The following CASC3 variants were observed in gnomAD, a reference collection of about 807,000 sequenced individuals.
The protein encoded by CASC3 is CASC3 exon junction complex subunit, also known as protein CASC3.
In CASC3, 30 loss-of-function variants were observed where a neutral mutation model predicts 80.5. The observed-to-expected ratio is 0.37, with a 90% CI of 0.28 to 0.51. The LOEUF (loss-of-function observed/expected upper bound fraction) is 0.51, where lower values mean the gene tolerates loss of function less well. Among genes scored for constraint, CASC3 ranks in the 20% least tolerant of loss-of-function variants. The pLI is 0.94. For synonymous variants in CASC3, 312 were observed against 333.6 expected (o/e 0.94, Z 0.70); for missense variants, 824 against 922.2 (o/e 0.89, Z 1.38).
At chr17:40,168,099 T>C in intron 10 of CASC3, 104 bp from the exon 11 acceptor site, 4 of 1,283,482 alleles carry the variant, frequency 3.1e-6, no homozygotes, top group Non-Finnish European at 4.5e-6. Flanking sequence ...GTGTCCATCC[T>C]GAGGACTTCC....
Position 40,140,791 on chromosome 17 carries a change from C to A in CASC3, c.231+12C>A. The stretch of plus-strand genomic sequence containing the variant: ...AGGAGTCGGAGTGTGTGAGTGCGCG[C>A]AGGCGGGGCGGGGTGGGGACCGGGC... On this transcript the variant is annotated intron_variant, in intron 1 of 13. Transcript: ENST00000264645. 4.1e-6 allele frequency: 4 copies of A among 974,420 alleles called. No individual in the cohort carries two copies. In the South Asian group the frequency reaches 6.7e-5, roughly 16 times the overall value. 60.4% of individuals were successfully genotyped at this position (974,420 alleles called of 1,614,324 possible).
Position 40,170,940 on chromosome 17 carries a change from C to A in CASC3, c.*535C>A. ...CCCTCTGGATTCCCTTTTGACTCTT[C>A]CGTGCATCCCAGATAATGGAGAATG... On this transcript the variant is annotated 3_prime_UTR_variant, in exon 14 of 14. Coordinates refer to ENST00000264645, the MANE Select transcript of CASC3 (RefSeq NM_007359.5). The A allele has an allele frequency of 1.0e-6, 1 of 985,454 alleles. No individual in the cohort carries two copies. The highest frequency in any genetic ancestry group is 1.2e-6 in the Non-Finnish European group (1 of 829,918). The allele number at this position is 985,454 out of a possible 1,614,324, so 61.0% of individuals were successfully genotyped here. A position where few individuals can be genotyped will look rare whatever the true frequency, so the allele number is the denominator to read the frequency against.
intron 7 of CASC3, among the ~76,000 whole-genome samples, 156 bp from the exon 8 acceptor site, chr17:40,166,641 G>A (rs1989455443): frequency 6.6e-6 from 1 of 152,194 alleles, no homozygotes; most frequent in Non-Finnish European, 1.5e-5. Context: ...AAATGCTGGT[G>A]TTGACAGAAA....
chr17:40,144,015 G>T (rs924339662), intron 3 of CASC3, among the ~76,000 whole-genome samples: 5 of 152,024 alleles, frequency 3.3e-5, no homozygotes, highest in African/African-American at 1.2e-4. Context: ...ACTTTGGGAG[G>T]CCGAGGCGGG....
chr17:40,145,695 T>G (rs868627847), intron 3 of CASC3, among the ~76,000 whole-genome samples: 1 of 151,852 alleles, frequency 6.6e-6, no homozygotes, highest in Non-Finnish European at 1.5e-5. Flanking sequence ...TACTCCAGCC[T>G]GGGCAACAGA....
chr17:40,157,409 C>T (rs1046215197), intron 3 of CASC3, among the ~76,000 whole-genome samples: 4 of 151,880 alleles, frequency 2.6e-5, no homozygotes, highest in African/African-American at 9.7e-5. Context: ...GGCGTGGTGC[C>T]TCATGCCTGT....
chr17:40,155,588 G>A (rs75430479), intron 3 of CASC3, among the ~76,000 whole-genome samples: 1 of 152,184 alleles, frequency 6.6e-6, no homozygotes, highest in Non-Finnish European at 1.5e-5. Context: ...CCGTGGCCTC[G>A]GAGGAGCCGG....
In CASC3 at chr17:40,162,736, G is replaced by A. The variant is rs748600426; in HGVS notation, c.620G>A (p.Arg207His). ...TQEEEVRPKG[R>H]QRKLWKDEGR... ...TTCATTTTATCCAGACCCAAGGGGC[G>A]TCAGCGAAAGCTATGGAAGGATGAG... is the stretch of plus-strand genomic sequence containing the variant. Residue 207 changes from arginine (R) to histidine (H), a missense_variant, in exon 6 of 14, where the codon CGT becomes CAT. Coordinates refer to ENST00000264645, the MANE Select transcript of CASC3 (RefSeq NM_007359.5). 12 of 1,613,518 alleles carry A rather than the reference G, an allele frequency of 7.4e-6. No individual in the cohort carries two copies. The highest frequency in any genetic ancestry group is 2.2e-5 in the East Asian group (1 of 44,904).
At chr17:40,153,536 A>T (rs766681080) in intron 3 of CASC3, among the ~76,000 whole-genome samples, 10 of 152,142 alleles carry the variant, frequency 6.6e-5, no homozygotes, top group Non-Finnish European at 1.3e-4. Context: ...TTGCTGAGTC[A>T]TGTGGTAACT....
chr17:40,159,943 G>A (rs1043244631), intron 3 of CASC3, among the ~76,000 whole-genome samples: 3 of 151,470 alleles, frequency 2.0e-5, no homozygotes, highest in African/African-American at 4.9e-5. Context: ...CTCAAACTCC[G>A]GACCTCAAGT....
At chr17:40,169,089 G>A (rs2145184721) in intron 11 of CASC3, 1 of 428,576 alleles carries the variant, frequency 2.3e-6, no homozygotes, top group South Asian at 5.0e-5. Context: ...TTTGTCAGCT[G>A]ATGGTAGGAA....
chr17:40,171,887 C>T lies in CASC3; in HGVS notation c.*1482C>T. On this transcript the variant is annotated 3_prime_UTR_variant, in exon 14 of 14. Coordinates refer to ENST00000264645, the MANE Select transcript of CASC3 (RefSeq NM_007359.5). ...GGGAGAGGCACTTAATCTGTAACCC[C>T]CAAGGAGGAAATAACTAAGAGATTC... The T allele has an allele frequency of 4.9e-6, 6 of 1,223,100 alleles. No individual in the cohort carries two copies. In the South Asian group the frequency reaches 8.7e-5, roughly 18 times the overall value. The allele number at this position is 1,223,100 out of a possible 1,614,324, so 75.8% of individuals were successfully genotyped here.
chr17:40,146,695 C>T (rs1258331180), intron 3 of CASC3, among the ~76,000 whole-genome samples: 1 of 151,198 alleles, frequency 6.6e-6, no homozygotes, highest in Admixed American at 6.6e-5. Context: ...GCCTCGGCCT[C>T]CCAAAGTGCT....
intron 3 of CASC3, among the ~76,000 whole-genome samples, chr17:40,154,078 T>C (rs1598424917): frequency 1.3e-5 from 2 of 151,276 alleles, no homozygotes; most frequent in South Asian, 2.1e-4. Flanking sequence ...CTGATTTGCA[T>C]TTCCCTGATG....
Position 40,163,910 on chromosome 17 carries a change from C to A in CASC3, c.1215C>A (p.Ser405=). The A allele has an allele frequency of 6.2e-7, 1 of 1,614,028 alleles. No individual in the cohort carries two copies. The highest frequency in any genetic ancestry group is 8.5e-7 in the Non-Finnish European group (1 of 1,180,010). The change falls in exon 7 of 14, where the codon TCC becomes TCA. Residue 405 remains serine (S), a synonymous_variant. Transcript: ENST00000264645. Reference sequence around the variant, plus strand: ...GGCCCATTGAGAAGAAATCCTATTCCCGGGCAAGAAGAACTCGAACCAAAG... The same window carrying A: ...GGCCCATTGAGAAGAAATCCTATTCACGGGCAAGAAGAACTCGAACCAAAG... ...PDRPIEKKSY[S]RARRTRTKVG... is the part of the protein sequence containing the mutation.
intron 3 of CASC3, among the ~76,000 whole-genome samples, chr17:40,151,550 C>A (rs1989008209): frequency 1.3e-5 from 2 of 151,904 alleles, no homozygotes; most frequent in South Asian, 4.2e-4. Context: ...AAAATTTAGC[C>A]AGGCGTGGTG....
intron 3 of CASC3, 64 bp downstream of exon 3, chr17:40,141,671 CCTT>C (rs150571760): frequency 0.011 from 12,770 of 1,208,742 alleles, 85 homozygotes; most frequent in Middle Eastern, 0.03. Context: ...CGTGTACACA[CCTT>C]CGTTGCAAAC....
intron 3 of CASC3, among the ~76,000 whole-genome samples, chr17:40,150,416 G>A (rs1250043629): frequency 1.3e-4 from 1 of 7,960 alleles, no homozygotes; most frequent in Non-Finnish European, 3.5e-4. Context: ...GAGTGTGTGC[G>A]TGTGTGTGTG....
At chr17:40,159,870 C>T (rs1218169492) in intron 3 of CASC3, among the ~76,000 whole-genome samples, 1 of 151,868 alleles carries the variant, frequency 6.6e-6, no homozygotes, top group African/African-American at 2.4e-5. Context: ...TTCATGCCAC[C>T]ATGTCTGGCT....
Sources: allele counts gnomAD v4.1 joint callset (sites outside exome capture counted in the v4.1 genomes callset), GRCh38; gene constraint gnomAD v4.1.1; transcripts MANE v1.5; gene names NCBI Gene and HGNC (gene_info 2026-07-23, HGNC 2026-07-21).